RYR2: variants seen among roughly 807,000 people sequenced by gnomAD.
RYR2 encodes the protein ryanodine receptor 2, also known as cardiac muscle ryanodine receptor-calcium release channel.
A neutral mutation model predicts 601.1 loss-of-function variants in RYR2; 227 were observed. That is an observed-to-expected ratio of 0.38 (90% CI 0.34 to 0.42). The LOEUF is 0.42. Among genes scored for constraint, RYR2 ranks in the 10% least tolerant of loss-of-function variants. The pLI is 1.00. For missense variants in RYR2, 4,646 were observed against 6,156.5 expected, an observed-to-expected ratio of 0.75 and a Z score of 8.21; for synonymous variants, 2,223 against 2,175.1, an observed-to-expected ratio of 1.02 and a Z score of -0.61.
At chr1:237,255,840 T>A (rs572605966) in intron 1 of RYR2, among the ~76,000 whole-genome samples, 241 of 136,598 alleles carry the variant, frequency 1.8e-3, no homozygotes, top group African/African-American at 6.0e-3. Context: ...GCTATACCAG[T>A]GTGTGTGTGT....
chr1:237,642,992 T>A (rs1681724601), intron 47 of RYR2, among the ~76,000 whole-genome samples: 2 of 152,218 alleles, frequency 1.3e-5, no homozygotes, highest in Non-Finnish European at 2.9e-5. Context: ...GGTATTTACA[T>A]GTAATTTTGG....
chr1:237,132,816 A>G (rs933721503), intron 1 of RYR2, among the ~76,000 whole-genome samples: 1 of 152,222 alleles, frequency 6.6e-6, no homozygotes, highest in Non-Finnish European at 1.5e-5. Flanking sequence ...AAGGATTGGG[A>G]AAATGTCGAA....
intron 1 of RYR2, among the ~76,000 whole-genome samples, chr1:237,069,455 A>G (rs2148309992): frequency 6.6e-6 from 1 of 152,260 alleles, no homozygotes; most frequent in South Asian, 2.1e-4. Flanking sequence ...CAGTGAGTAC[A>G]GAGAGGACTT....
chr1:237,051,665 G>T (rs929084007), intron 1 of RYR2, among the ~76,000 whole-genome samples: 1 of 152,114 alleles, frequency 6.6e-6, no homozygotes, highest in Non-Finnish European at 1.5e-5. Flanking sequence ...GCATTGATAT[G>T]TAATTGTCTG....
At chr1:237,823,089 C>G (rs933443697) in intron 101 of RYR2, among the ~76,000 whole-genome samples, 2 of 152,172 alleles carry the variant, frequency 1.3e-5, no homozygotes, top group African/African-American at 2.4e-5. Flanking sequence ...TAGTGGAAGA[C>G]TTTAACACCA....
chr1:237,295,319 A>G (rs766240475), intron 2 of RYR2, among the ~76,000 whole-genome samples: 1 of 152,310 alleles, frequency 6.6e-6, no homozygotes, highest in Non-Finnish European at 1.5e-5. Context: ...AGGAAGGATT[A>G]CTTTTTGCAG....
chr1:237,713,300 A>C (rs1688991190), intron 71 of RYR2, among the ~76,000 whole-genome samples: 1 of 152,220 alleles, frequency 6.6e-6, no homozygotes, highest in African/African-American at 2.4e-5. Flanking sequence ...ATTTGCAAGA[A>C]GAAAAAAGGG....
intron 1 of RYR2, among the ~76,000 whole-genome samples, chr1:237,199,667 C>A (rs954670775): frequency 6.6e-6 from 1 of 152,174 alleles, no homozygotes; most frequent in African/African-American, 2.4e-5. Context: ...ACTTTGCATC[C>A]TTCAGTCCTA....
intron 63 of RYR2, among the ~76,000 whole-genome samples, chr1:237,698,105 AGTGTGTGTGTGTGTGTGTGT>A (rs3999833): frequency 2.3e-4 from 32 of 140,142 alleles, no homozygotes; most frequent in Middle Eastern, 7.1e-3. Flanking sequence ...AGGAGATGAT[AGTGTGTGTGTGTGTGTGTGT>A]GTGTGTGTGT....
chr1:237,379,298 G>GA (rs1701265980), intron 8 of RYR2, among the ~76,000 whole-genome samples: 2 of 152,140 alleles, frequency 1.3e-5, no homozygotes, highest in Non-Finnish European at 2.9e-5. Context: ...ATTATGCACT[G>GA]AAAAATGGAA....
intron 1 of RYR2, among the ~76,000 whole-genome samples, chr1:237,084,553 G>C (rs909007731): frequency 6.6e-6 from 1 of 152,100 alleles, no homozygotes; most frequent in Non-Finnish European, 1.5e-5. Flanking sequence ...CAAGCGTTTT[G>C]GGTAACAGAT....
At chr1:237,722,916 T>C (rs1263749354) in intron 73 of RYR2, among the ~76,000 whole-genome samples, 1 of 152,162 alleles carries the variant, frequency 6.6e-6, no homozygotes, top group African/African-American at 2.4e-5. Flanking sequence ...ATTTCCAGTA[T>C]GAATTGCAGC....
At chr1:237,351,342 G>A (rs548563276) in intron 3 of RYR2, among the ~76,000 whole-genome samples, 50 of 151,984 alleles carry the variant, frequency 3.3e-4, no homozygotes, top group Non-Finnish European at 7.1e-4. Flanking sequence ...AAGAAATTAT[G>A]AAGTAGAATT....
chr1:237,722,493 G>A lies in RYR2; in HGVS notation c.10555-635G>A, dbSNP rs547653244. On this transcript the variant is annotated intron_variant, in intron 73 of 104. Coordinates refer to ENST00000366574, the MANE Select transcript of RYR2 (RefSeq NM_001035.3). ...CTGTCGCCCAGGCTGGAGTGCAGTG[G>A]CGCGATCTCGGCTCACTGCAAGCTC... is the stretch of plus-strand genomic sequence containing the variant. 8.9e-4 allele frequency among the ~76,000 whole-genome samples: 135 copies of A among 151,246 alleles called. 1 individual carries two copies. Among genetic ancestry groups the A allele is most frequent in the Non-Finnish European group, 9.3e-4 (63 of 67,864 alleles).
intron 63 of RYR2, among the ~76,000 whole-genome samples, chr1:237,694,431 C>T (rs1303486172): frequency 6.6e-6 from 1 of 152,038 alleles, no homozygotes. Flanking sequence ...TTTTCTTATC[C>T]TTGTTATTCG....
chr1:237,217,949 T>C (rs1683375403), intron 1 of RYR2, among the ~76,000 whole-genome samples: 1 of 152,238 alleles, frequency 6.6e-6, no homozygotes, highest in Non-Finnish European at 1.5e-5. Context: ...AATAGCAGCA[T>C]TTAAAATCAT....
intron 1 of RYR2, among the ~76,000 whole-genome samples, chr1:237,082,996 T>A (rs1275686644): frequency 1.3e-5 from 2 of 152,206 alleles, no homozygotes; most frequent in Non-Finnish European, 2.9e-5. Flanking sequence ...TTGCACACTT[T>A]CTTCTTTATA....
At chr1:237,224,447 C>T (rs1684143992) in intron 1 of RYR2, among the ~76,000 whole-genome samples, 1 of 152,126 alleles carries the variant, frequency 6.6e-6, no homozygotes, top group Admixed American at 6.5e-5. Flanking sequence ...TGCCCCAACC[C>T]CCATGTCGTT....
At chr1:237,425,743 G>A (rs529982142) in intron 12 of RYR2, among the ~76,000 whole-genome samples, 1 of 152,232 alleles carries the variant, frequency 6.6e-6, no homozygotes, top group South Asian at 2.1e-4. Flanking sequence ...TGAGGAGGAG[G>A]AGGAGGAAGA....
Sources: gnomAD v4.1 joint callset for allele counts (sites outside exome capture counted in the v4.1 genomes callset) on GRCh38, gnomAD v4.1.1 for gene constraint, MANE v1.5 for transcripts, NCBI Gene and HGNC (gene_info 2026-07-23, HGNC 2026-07-21) for gene names.